The following HECW2 variants were observed in gnomAD, a reference collection of about 807,000 sequenced individuals.
HECW2 encodes E3 ubiquitin-protein ligase HECW2.
HECW2 carries 61 observed loss-of-function variants against 175.2 expected under a neutral mutation model. That is an observed-to-expected ratio of 0.35 (90% CI 0.28 to 0.43). The LOEUF (loss-of-function observed/expected upper bound fraction) is 0.43. Ranked by LOEUF, HECW2 falls within the 20% of genes least tolerant of loss-of-function variation. The pLI is 1.00. For synonymous variants in HECW2, 671 were observed against 731.0 expected, an observed-to-expected ratio of 0.92 and a Z score of 1.32; for missense variants, 1,524 against 2,000.5, an observed-to-expected ratio of 0.76 and a Z score of 4.54.
intron 5 of HECW2, among the ~76,000 whole-genome samples, chr2:196,328,532 T>C (rs1259687523): frequency 3.3e-5 from 5 of 152,194 alleles, no homozygotes; most frequent in Non-Finnish European, 7.3e-5. Flanking sequence ...ACTTTAGTCA[T>C]ATGTGGTAAT....
chr2:196,498,619 T>G (rs1687474244), intron 1 of HECW2, among the ~76,000 whole-genome samples: 1 of 152,190 alleles, frequency 6.6e-6, no homozygotes, highest in Admixed American at 6.5e-5. Context: ...CTTACCAAAC[T>G]TAATCCCCTC....
At chr2:196,522,921 A>G (rs1688464781) in intron 1 of HECW2, among the ~76,000 whole-genome samples, 1 of 152,200 alleles carries the variant, frequency 6.6e-6, no homozygotes, top group South Asian at 2.1e-4. Flanking sequence ...TGATGCCTCC[A>G]GCTTTGTTCT....
chr2:196,531,731 C>T (rs1046448684), intron 1 of HECW2, among the ~76,000 whole-genome samples: 4 of 151,938 alleles, frequency 2.6e-5, no homozygotes, highest in Non-Finnish European at 5.9e-5. Context: ...CCTTTGCACA[C>T]GCTGTTACCT....
At chr2:196,355,357 G>A (rs1057229298) in intron 2 of HECW2, among the ~76,000 whole-genome samples, 1 of 152,152 alleles carries the variant, frequency 6.6e-6, no homozygotes, top group Non-Finnish European at 1.5e-5. Flanking sequence ...AAATGGTGAA[G>A]TATGGCCAGC....
chr2:196,285,328 A>G (rs956339690), intron 14 of HECW2, among the ~76,000 whole-genome samples: 1 of 152,226 alleles, frequency 6.6e-6, no homozygotes, highest in Non-Finnish European at 1.5e-5. Flanking sequence ...AAAAGGCTAT[A>G]TAAACAAAAT....
rs532189473 is a variant in HECW2 at position 196,462,718 on chromosome 2, T to C, written c.-35-29260A>G. On this transcript the variant is annotated intron_variant, in intron 1 of 28. Transcript: ENST00000644978. ...AAAAAAGATGTTGAACAAAATGAAA[T>C]GATCTTTCAAGGCACTTAACAATTC... Among the ~76,000 whole-genome samples, 13 of 150,078 alleles carry C rather than the reference T, an allele frequency of 8.7e-5. No homozygotes were observed. In the South Asian group the frequency reaches 2.3e-3, roughly 27 times the overall value.
At chr2:196,495,437 C>T (rs1045762414) in intron 1 of HECW2, among the ~76,000 whole-genome samples, 3 of 151,964 alleles carry the variant, frequency 2.0e-5, no homozygotes, top group East Asian at 1.9e-4. Context: ...ATAAAAATAC[C>T]ATAATATACT....
At chr2:196,302,534 C>A (rs1691102099) in intron 13 of HECW2, among the ~76,000 whole-genome samples, 1 of 152,158 alleles carries the variant, frequency 6.6e-6, no homozygotes, top group African/African-American at 2.4e-5. Context: ...GATATTGATT[C>A]TTCCTATCCA....
intron 1 of HECW2, among the ~76,000 whole-genome samples, chr2:196,490,741 G>C (rs1285298969): frequency 6.6e-6 from 1 of 152,072 alleles, no homozygotes; most frequent in Admixed American, 6.5e-5. Context: ...AACAAAATAT[G>C]GTTTGTCCAT....
At chr2:196,233,223 C>T (rs1042517965) in intron 21 of HECW2, among the ~76,000 whole-genome samples, 10 of 152,176 alleles carry the variant, frequency 6.6e-5, no homozygotes, top group South Asian at 6.2e-4. Flanking sequence ...CTCTGGACGA[C>T]GGGTGTGTAG....
intron 17 of HECW2, among the ~76,000 whole-genome samples, chr2:196,258,718 G>A (rs2105926926): frequency 6.6e-6 from 1 of 151,908 alleles, no homozygotes; most frequent in South Asian, 2.1e-4. Context: ...CTATTTCAAA[G>A]CACACCATAT....
At chr2:196,429,266 T>G (rs1477546551) in intron 2 of HECW2, among the ~76,000 whole-genome samples, 1 of 152,128 alleles carries the variant, frequency 6.6e-6, no homozygotes, top group Non-Finnish European at 1.5e-5. Context: ...GCCCTGAGAT[T>G]AAGGACTTAC....
intron 2 of HECW2, among the ~76,000 whole-genome samples, chr2:196,365,580 G>A (rs543312255): frequency 2.0e-5 from 3 of 152,046 alleles, no homozygotes; most frequent in Non-Finnish European, 2.9e-5. Flanking sequence ...TGTTTCAATG[G>A]GAATACACAT....
At chr2:196,433,724 G>C (rs1328839920) in intron 1 of HECW2, among the ~76,000 whole-genome samples, 1 of 152,132 alleles carries the variant, frequency 6.6e-6, no homozygotes, top group African/African-American at 2.4e-5. Flanking sequence ...AATCAAGGAG[G>C]AGAGGATTTC....
At chr2:196,304,139 C>A (rs561102350) in intron 13 of HECW2, among the ~76,000 whole-genome samples, 3 of 152,340 alleles carry the variant, frequency 2.0e-5, no homozygotes, top group Middle Eastern at 6.8e-3. Flanking sequence ...GCAAGCCCAA[C>A]CTTCTGTAGC....
intron 17 of HECW2, among the ~76,000 whole-genome samples, chr2:196,261,658 A>C (rs1243891281): frequency 6.6e-6 from 1 of 152,236 alleles, no homozygotes; most frequent in Non-Finnish European, 1.5e-5. Flanking sequence ...GGCTTCTGAA[A>C]AACAAAGTAT....
At chr2:196,445,489 T>C (rs973111763) in intron 1 of HECW2, among the ~76,000 whole-genome samples, 4 of 152,196 alleles carry the variant, frequency 2.6e-5, no homozygotes, top group Non-Finnish European at 4.4e-5. Flanking sequence ...TGTGTGTCAC[T>C]AGAATTAGCC....
intron 13 of HECW2, among the ~76,000 whole-genome samples, chr2:196,301,793 A>C (rs1331040137): frequency 6.6e-6 from 1 of 150,574 alleles, no homozygotes. Flanking sequence ...GACCTTTGTC[A>C]CATGGACAGA....
intron 2 of HECW2, among the ~76,000 whole-genome samples, chr2:196,373,664 C>A (rs960780634): frequency 6.6e-6 from 1 of 152,128 alleles, no homozygotes; most frequent in Non-Finnish European, 1.5e-5. Flanking sequence ...TTAACAACTT[C>A]CTTCAGTAAA....
Sources: gnomAD v4.1 joint callset for allele counts (sites outside exome capture counted in the v4.1 genomes callset) on GRCh38, gnomAD v4.1.1 for gene constraint, MANE v1.5 for transcripts, NCBI Gene and HGNC (gene_info 2026-07-23, HGNC 2026-07-21) for gene names.